The following KCNJ6 variants were observed in gnomAD, a reference collection of about 807,000 sequenced individuals.
KCNJ6 encodes potassium inwardly rectifying channel subfamily J member 6.
Under a neutral mutation model 34.2 loss-of-function variants are expected in KCNJ6, and 9 were observed. That is an observed-to-expected ratio of 0.26 (90% CI 0.16 to 0.46). The LOEUF is 0.46. Among genes scored for constraint, KCNJ6 ranks in the 20% least tolerant of loss-of-function variants. The probability of loss-of-function intolerance (pLI) is 1.00; values close to 1 mark genes in which losing one functional copy is unlikely to be tolerated. For missense variants in KCNJ6, 236 were observed against 531.3 expected (o/e 0.44, Z 5.46); for synonymous variants, 196 against 207.1 (o/e 0.95, Z 0.46).
chr21:37,812,076 C>G (rs969353788), intron 2 of KCNJ6, among the ~76,000 whole-genome samples: 1 of 152,100 alleles, frequency 6.6e-6, no homozygotes, highest in Admixed American at 6.5e-5. Context: ...GAATTTAGAC[C>G]ATTTGGGGTC....
At chr21:37,838,456 GCAA>G (rs1467289689) in intron 2 of KCNJ6, among the ~76,000 whole-genome samples, 2 of 152,186 alleles carry the variant, frequency 1.3e-5, no homozygotes, top group African/African-American at 4.8e-5. Flanking sequence ...TAACTTATGT[GCAA>G]CACCATCTGA....
At chr21:37,684,317 G>A (rs1350935939) in intron 3 of KCNJ6, among the ~76,000 whole-genome samples, 1 of 150,914 alleles carries the variant, frequency 6.6e-6, no homozygotes, top group Non-Finnish European at 1.5e-5. Context: ...CCTTCTCCCC[G>A]TGCACATGTC....
At chr21:37,797,761 C>T (rs2055250427) in intron 2 of KCNJ6, among the ~76,000 whole-genome samples, 1 of 152,202 alleles carries the variant, frequency 6.6e-6, no homozygotes, top group Admixed American at 6.5e-5. Flanking sequence ...AGGGGATTCT[C>T]CCTGCTCCAT....
chr21:37,659,682 T>G (rs890632828), intron 3 of KCNJ6, among the ~76,000 whole-genome samples: 2 of 152,212 alleles, frequency 1.3e-5, no homozygotes, highest in African/African-American at 4.8e-5. Flanking sequence ...TTTCCCCATC[T>G]GATGTGGGAC....
At chr21:37,735,600 A>G (rs58973952) in intron 2 of KCNJ6, among the ~76,000 whole-genome samples, 11,370 of 152,260 alleles carry the variant, frequency 0.075, 886 homozygotes, top group African/African-American at 0.2. Context: ...TCCACCCCAT[A>G]GACTCCATGC....
rs760597650 is a variant in KCNJ6 at position 37,914,008 on chromosome 21, G to GGCGTGTGTGT, written c.-28+1875_-28+1876insACACACACGC. On this transcript the variant is annotated intron_variant, in intron 1 of 3. Coordinates refer to ENST00000609713, the MANE Select transcript of KCNJ6 (RefSeq NM_002240.5). ...GCAACCCTCGTCAGAGGCGGATCGG[G>GGCGTGTGTGT]GTGTGTGTGTGTGTGTGTGTGTGTG... Among the ~76,000 whole-genome samples the GGCGTGTGTGT allele has an allele frequency of 4.1e-3, 559 of 135,582 alleles. 4 individuals are homozygous for GGCGTGTGTGT. Among genetic ancestry groups the GGCGTGTGTGT allele is most frequent in the Non-Finnish European group, 6.2e-3 (395 of 63,462 alleles). The allele number at this position is 135,582 out of a possible 152,430, so 88.9% of individuals were successfully genotyped here.
At chr21:37,708,248 G>A (rs759880004) in intron 3 of KCNJ6, among the ~76,000 whole-genome samples, 48 of 152,192 alleles carry the variant, frequency 3.2e-4, no homozygotes, top group Admixed American at 8.5e-4. Context: ...TCTTACAGTA[G>A]CCTGCCTTTT....
At chr21:37,718,559 C>T (rs777466605) in intron 2 of KCNJ6, among the ~76,000 whole-genome samples, 4 of 151,850 alleles carry the variant, frequency 2.6e-5, no homozygotes, top group African/African-American at 7.2e-5. Context: ...ACTTCATTGC[C>T]TTTAAAAACC....
intron 2 of KCNJ6, among the ~76,000 whole-genome samples, chr21:37,749,402 G>C (rs2054983444): frequency 6.6e-6 from 1 of 152,152 alleles, no homozygotes; most frequent in African/African-American, 2.4e-5. Flanking sequence ...CTCCGCTCGT[G>C]GACAGAATGG....
chr21:37,871,806 T>C (rs1432064116), intron 1 of KCNJ6, among the ~76,000 whole-genome samples: 1 of 150,628 alleles, frequency 6.6e-6, no homozygotes, highest in Non-Finnish European at 1.5e-5. Flanking sequence ...ATTCACAAAG[T>C]ATAACCACCT....
chr21:37,809,807 C>A (rs780406802), intron 2 of KCNJ6, among the ~76,000 whole-genome samples: 6 of 152,056 alleles, frequency 3.9e-5, no homozygotes, highest in South Asian at 2.1e-4. Context: ...GCCTTCCTTG[C>A]GATACTGCAT....
chr21:37,771,256 C>A (rs1168166769), intron 2 of KCNJ6, among the ~76,000 whole-genome samples: 1 of 152,080 alleles, frequency 6.6e-6, no homozygotes, highest in Non-Finnish European at 1.5e-5. Context: ...ATGATTAAAG[C>A]CCATAATCAG....
intron 1 of KCNJ6, among the ~76,000 whole-genome samples, chr21:37,899,746 G>A (rs1401040429): frequency 6.6e-6 from 1 of 152,164 alleles, no homozygotes; most frequent in Non-Finnish European, 1.5e-5. Context: ...TTGTGAACTT[G>A]GCTTCCAGTT....
At chr21:37,820,427 T>C (rs1413793014) in intron 2 of KCNJ6, among the ~76,000 whole-genome samples, 1 of 152,228 alleles carries the variant, frequency 6.6e-6, no homozygotes, top group Non-Finnish European at 1.5e-5. Context: ...GGAGTTAGAC[T>C]TCACAGATTA....
chr21:37,699,021 T>TA (rs200831292), intron 3 of KCNJ6, among the ~76,000 whole-genome samples: 120 of 151,552 alleles, frequency 7.9e-4, no homozygotes, highest in African/African-American at 2.6e-3. Context: ...TTAAAATGGT[T>TA]AAAAAAAAAT....
rs973857157 is a variant in KCNJ6 at position 37,619,975 on chromosome 21, C to T, written c.*5184G>A. 3 of 152,196 alleles carry T rather than the reference C, an allele frequency of 2.0e-5. No individual in the cohort carries two copies. The highest frequency in any genetic ancestry group is 4.4e-5 in the Non-Finnish European group (3 of 67,998). 9.4% of individuals were successfully genotyped at this position (152,196 alleles called of 1,614,324 possible). ...AAAGGAAGGATTCTTCCTTTGAGAC[C>T]CTAACTGAATGACTGGGCTCTCTAA... On this transcript the variant is annotated 3_prime_UTR_variant, in exon 4 of 4. Transcript: ENST00000609713.
intron 2 of KCNJ6, among the ~76,000 whole-genome samples, chr21:37,814,064 A>G (rs2055334880): frequency 6.6e-6 from 1 of 152,232 alleles, no homozygotes; most frequent in Non-Finnish European, 1.5e-5. Context: ...TAGGAAAACA[A>G]ATCTAATAAT....
intron 2 of KCNJ6, among the ~76,000 whole-genome samples, chr21:37,793,258 A>C (rs1439951552): frequency 2.0e-5 from 3 of 152,182 alleles, no homozygotes; most frequent in Non-Finnish European, 4.4e-5. Context: ...TTTCATTTAC[A>C]TATGGAGGAA....
rs531836355 is a variant in KCNJ6 at position 37,866,760 on chromosome 21, C to A, written c.-27-26051G>T. Among the ~76,000 whole-genome samples the A allele has an allele frequency of 3.9e-5, 6 of 152,286 alleles. No homozygotes were observed. In the East Asian group the frequency reaches 1.2e-3, roughly 29 times the overall value. On this transcript the variant is annotated intron_variant, in intron 1 of 3. Coordinates refer to ENST00000609713, the MANE Select transcript of KCNJ6 (RefSeq NM_002240.5). ...TCAAGAGGACCATGTCTCTTGAGATCTGGGGGCCACAGGATGAACTAGAGA... is the reference window on the plus strand; with the variant it reads ...TCAAGAGGACCATGTCTCTTGAGATATGGGGGCCACAGGATGAACTAGAGA...
Sources: gnomAD v4.1 joint callset for allele counts (sites outside exome capture counted in the v4.1 genomes callset) on GRCh38, gnomAD v4.1.1 for gene constraint, MANE v1.5 for transcripts, NCBI Gene and HGNC (gene_info 2026-07-23, HGNC 2026-07-21) for gene names.